USP25: variants seen among roughly 807,000 people sequenced by gnomAD.
USP25 encodes ubiquitin specific peptidase 25.
USP25 carries 85 observed loss-of-function variants against 158.5 expected under a neutral mutation model. The ratio of observed to expected loss-of-function variants is 0.54; its 90% confidence interval spans 0.45 to 0.64. The LOEUF (loss-of-function observed/expected upper bound fraction) is 0.64, where lower values mean the gene tolerates loss of function less well. Among genes scored for constraint, USP25 ranks in the 30% least tolerant of loss-of-function variants. The pLI is 0.00. For missense variants in USP25, 1,242 were observed against 1,327.3 expected, an observed-to-expected ratio of 0.94 and a Z score of 1.00; for synonymous variants, 464 against 460.4, an observed-to-expected ratio of 1.01 and a Z score of -0.10.
intron 22 of USP25, among the ~76,000 whole-genome samples, chr21:15,867,487 T>TA (rs1178989846): frequency 1.3e-5 from 2 of 151,960 alleles, no homozygotes; most frequent in African/African-American, 4.8e-5. Flanking sequence ...CTGCAGCAAA[T>TA]ATATAGAATT....
At chr21:15,853,651 T>A (rs1384283500) in intron 20 of USP25, among the ~76,000 whole-genome samples, 2 of 152,228 alleles carry the variant, frequency 1.3e-5, no homozygotes, top group Non-Finnish European at 2.9e-5. Flanking sequence ...TTCAAATGCT[T>A]ACTGTTTAAC....
chr21:15,849,850 G>A lies in USP25; in HGVS notation c.2525G>A (p.Gly842Asp), dbSNP rs1220332953. 6.5e-7 allele frequency: 1 copy of A among 1,527,786 alleles called. No individual in the cohort carries two copies. Among genetic ancestry groups the A allele is most frequent in the Non-Finnish European group, 8.8e-7 (1 of 1,136,394 alleles). 94.6% of individuals were successfully genotyped at this position (1,527,786 alleles called of 1,614,324 possible). ...TCCAGGAGTGTATATGACAGGTGTG[G>A]CCCTGAAGCAGGGTTCTTTAAGGTA... The part of the protein sequence containing the change: ...GKSRSVYDRC[G>D]PEAGFFKAIK... The change falls in exon 20 of 26, where the codon GGC becomes GAC. Residue 842 changes from glycine to aspartate, a missense_variant. Gly to Asp is a moderately conservative substitution (Grantham distance 94, BLOSUM62 -1). Coordinates refer to ENST00000400183, the MANE Select transcript of USP25 (RefSeq NM_001283041.3).
At chr21:15,868,971 G>A (rs963340494) in intron 22 of USP25, among the ~76,000 whole-genome samples, 1 of 152,174 alleles carries the variant, frequency 6.6e-6, no homozygotes, top group Non-Finnish European at 1.5e-5. Flanking sequence ...AAGACTGGAT[G>A]TGGTGGCTCA....
At chr21:15,841,783 G>C (rs992721824) in intron 17 of USP25, among the ~76,000 whole-genome samples, 1 of 152,122 alleles carries the variant, frequency 6.6e-6, no homozygotes, top group Non-Finnish European at 1.5e-5. Flanking sequence ...GGTCATGTAA[G>C]GATTTTGGGC....
At chr21:15,864,901 G>T (rs2039590498) in intron 21 of USP25, among the ~76,000 whole-genome samples, 1 of 152,074 alleles carries the variant, frequency 6.6e-6, no homozygotes, top group Admixed American at 6.5e-5. Flanking sequence ...TCCTAGGGGA[G>T]CAAAGTCACC....
intron 20 of USP25, among the ~76,000 whole-genome samples, chr21:15,859,055 C>T (rs1378758349): frequency 1.3e-5 from 2 of 150,990 alleles, no homozygotes; most frequent in Admixed American, 6.6e-5. Context: ...TGGGTGTTGG[C>T]ATCTGGGTAC....
intron 1 of USP25, among the ~76,000 whole-genome samples, chr21:15,740,641 GTTTTTTTTTTTTTTTTTTT>G (rs60616271): frequency 1.7e-4 from 7 of 41,242 alleles, no homozygotes; most frequent in Admixed American, 4.6e-4. Flanking sequence ...CTTTCTGGCT[GTTTTTTTTTTTTTTTTTTT>G]TTTTTTTTTT....
rs758598712 is a variant in USP25, at chr21:15,830,641, T to C, written c.1764+40T>C. ...GAGCTAGTAATCATTGTCAAAATTA[T>C]TTACATATATTTTAATTTACCTTTA... On this transcript the variant is annotated intron_variant, in intron 15 of 25. Transcript: ENST00000400183. 5.6e-6 allele frequency: 8 copies of C among 1,417,516 alleles called. No individual in the cohort carries two copies. The Admixed American group carries it at 8.3e-5, about 15-fold the overall frequency. The allele number at this position is 1,417,516 out of a possible 1,614,324, so 87.8% of individuals were successfully genotyped here.
intron 9 of USP25, among the ~76,000 whole-genome samples, chr21:15,812,123 G>A (rs991168484): frequency 1.3e-5 from 2 of 150,500 alleles, no homozygotes; most frequent in African/African-American, 2.4e-5. Context: ...ATATATATAT[G>A]CACATATATA....
At chr21:15,790,235 CA>C (rs2035518930) in intron 4 of USP25, among the ~76,000 whole-genome samples, 1 of 151,910 alleles carries the variant, frequency 6.6e-6, no homozygotes, top group Non-Finnish European at 1.5e-5. Flanking sequence ...GGTTTTTGGG[CA>C]GAGAGTAGTG....
Position 15,846,143 on chromosome 21 carries a change from TATATATATATATATA to T in USP25, c.2338-1519_2338-1505del, listed in dbSNP as rs1419932730. Among the ~76,000 whole-genome samples, 203 of 62,846 alleles carry T rather than the reference TATATATATATATATA, an allele frequency of 3.2e-3. 4 individuals are homozygous for T. Among genetic ancestry groups the T allele is most frequent in the Non-Finnish European group, 4.2e-3 (141 of 33,776 alleles). The allele number at this position is 62,846 out of a possible 152,430, so 41.2% of individuals were successfully genotyped here. A position where few individuals can be genotyped will look rare whatever the true frequency, so the allele number is the denominator to read the frequency against. On this transcript the variant is annotated intron_variant, in intron 18 of 25. Transcript: ENST00000400183. ...GTGTGTATATATATATATATATATA[TATATATATATATATA>T]TTTTTTTTTTTTTTTTTTTTTTGAG... is the stretch of plus-strand genomic sequence containing the variant.
At chr21:15,756,000 G>A (rs1287088972) in intron 1 of USP25, among the ~76,000 whole-genome samples, 1 of 152,154 alleles carries the variant, frequency 6.6e-6, no homozygotes, top group East Asian at 1.9e-4. Context: ...AATTTTTTGG[G>A]AAGGTGAGGG....
At chr21:15,835,985 G>A (rs916249557) in intron 17 of USP25, among the ~76,000 whole-genome samples, 7 of 152,088 alleles carry the variant, frequency 4.6e-5, no homozygotes, top group African/African-American at 1.7e-4. Flanking sequence ...TTATTAATAG[G>A]GAAATTTTAT....
chr21:15,825,286 A>C (rs1004116288), intron 12 of USP25, among the ~76,000 whole-genome samples: 1 of 152,212 alleles, frequency 6.6e-6, no homozygotes, highest in African/African-American at 2.4e-5. Context: ...TAATGTTCCT[A>C]CTGCTGAAAA....
intron 3 of USP25, among the ~76,000 whole-genome samples, chr21:15,771,640 G>A (rs935553422): frequency 6.6e-6 from 1 of 151,962 alleles, no homozygotes; most frequent in East Asian, 1.9e-4. Context: ...TCTTTCTTAA[G>A]GGTATTTCCA....
chr21:15,839,258 A>G (rs2038212063), intron 17 of USP25, among the ~76,000 whole-genome samples: 1 of 152,180 alleles, frequency 6.6e-6, no homozygotes, highest in African/African-American at 2.4e-5. Flanking sequence ...TACACAGGGA[A>G]AACCCTAGAG....
At chr21:15,792,695 T>C (rs1347247898) in intron 5 of USP25, among the ~76,000 whole-genome samples, 2 of 151,656 alleles carry the variant, frequency 1.3e-5, no homozygotes, top group African/African-American at 4.8e-5. Context: ...CTTTTTTTTA[T>C]ATACTTCAGT....
At chr21:15,737,080 T>G (rs527409928) in intron 1 of USP25, among the ~76,000 whole-genome samples, 284 of 152,216 alleles carry the variant, frequency 1.9e-3, no homozygotes, top group Non-Finnish European at 2.4e-3. Flanking sequence ...GGAATTTTTC[T>G]TCCACTCTTT....
At position 15,853,814 on chromosome 21, in the gene USP25, G is replaced by A. The variant is rs78397973; in HGVS notation, c.2547+3942G>A. Among the ~76,000 whole-genome samples, 229 of 152,082 alleles carry A rather than the reference G, an allele frequency of 1.5e-3. 3 individuals carry two copies. The highest frequency in any genetic ancestry group is 5.0e-3 in the African/African-American group (208 of 41,478). On this transcript the variant is annotated intron_variant, in intron 20 of 25. Transcript: ENST00000400183. The stretch of plus-strand genomic sequence containing the variant: ...TTCCTGTTTTTTTTAATACTTAACC[G>A]TGTTAGCGTTGGAATGATCTGTTCT...
Sources: gnomAD v4.1 joint callset for allele counts (sites outside exome capture counted in the v4.1 genomes callset) on GRCh38, gnomAD v4.1.1 for gene constraint, MANE v1.5 for transcripts, NCBI Gene and HGNC (gene_info 2026-07-23, HGNC 2026-07-21) for gene names.